Variants in FGD4 observed in about 807,000 individuals in gnomAD.
FGD4 encodes the protein FYVE, RhoGEF and PH domain containing 4, also known as FYVE, RhoGEF and PH domain-containing protein 4.
In FGD4, 42 loss-of-function variants were observed where a neutral mutation model predicts 102.0. The ratio of observed to expected loss-of-function variants is 0.41; its 90% CI spans 0.32 to 0.53. The LOEUF (loss-of-function observed/expected upper bound fraction) is 0.53. Ranked by LOEUF, FGD4 falls within the 20% of genes least tolerant of loss-of-function variation. FGD4 has a pLI of 0.21. For synonymous variants in FGD4, 380 were observed against 375.7 expected (o/e 1.01, Z -0.13); for missense variants, 902 against 1,078.2 (o/e 0.84, Z 2.29).
At chr12:32,567,049 CTG>C (rs1945246653) in intron 2 of FGD4, among the ~76,000 whole-genome samples, 1 of 152,230 alleles carries the variant, frequency 6.6e-6, no homozygotes, top group Non-Finnish European at 1.5e-5. Flanking sequence ...TCACCAGACA[CTG>C]TGGCTGATAG....
chr12:32,494,892 C>T (rs1209673395), intron 1 of FGD4, among the ~76,000 whole-genome samples: 2 of 152,144 alleles, frequency 1.3e-5, no homozygotes, highest in African/African-American at 4.8e-5. Context: ...GACTAGACCT[C>T]CCACCCTTTT....
At chr12:32,531,659 T>C (rs1194846251) in intron 1 of FGD4, among the ~76,000 whole-genome samples, 1 of 152,244 alleles carries the variant, frequency 6.6e-6, no homozygotes, top group Non-Finnish European at 1.5e-5. Context: ...CCACAGTTTG[T>C]TTCCCATTCA....
chr12:32,435,045 G>A (rs1012590497), intron 1 of FGD4, among the ~76,000 whole-genome samples: 7 of 151,990 alleles, frequency 4.6e-5, no homozygotes, highest in African/African-American at 1.4e-4. Context: ...CCGGGTTCAA[G>A]TGATTCTCCT....
chr12:32,579,340 G>T (rs897939450), intron 3 of FGD4, among the ~76,000 whole-genome samples: 1 of 152,150 alleles, frequency 6.6e-6, no homozygotes, highest in Admixed American at 6.5e-5. Context: ...TACCGTGCCC[G>T]GCCGGAACAT....
chr12:32,611,317 A>G, intron 10 of FGD4, 34 bp downstream of exon 10: 1 of 1,612,606 alleles, frequency 6.2e-7, no homozygotes, highest in Non-Finnish European at 8.5e-7. Context: ...TCATATAAGA[A>G]TTATATATAA....
rs147320427 is a variant in FGD4 at position 32,413,376 on chromosome 12, C to T, written c.166+13417C>T. On this transcript the variant is annotated intron_variant, in intron 1 of 16. Transcript: ENST00000534526. ...AAAGTTGGCTAACATGTAACATTTA[C>T]GTGCTGTGTAAATTATGCCGTCATA... 7.2e-3 allele frequency among the ~76,000 whole-genome samples: 1,092 copies of T among 152,262 alleles called. 7 individuals carry two copies. Among genetic ancestry groups the T allele is most frequent in the African/African-American group, 0.025 (1,040 of 41,534 alleles).
At chr12:32,629,461 G>A (rs1172374329) in intron 14 of FGD4, among the ~76,000 whole-genome samples, 2 of 152,294 alleles carry the variant, frequency 1.3e-5, no homozygotes, top group East Asian at 1.9e-4. Flanking sequence ...TACCCTGTGA[G>A]GAAGGTTCTA....
chr12:32,526,990 T>A (rs1463200704), intron 1 of FGD4, among the ~76,000 whole-genome samples: 1 of 152,186 alleles, frequency 6.6e-6, no homozygotes, highest in African/African-American at 2.4e-5. Flanking sequence ...GTAAAGATTT[T>A]AAAAATTAAT....
chr12:32,576,313 C>T lies in FGD4; in HGVS notation c.367C>T (p.His123Tyr). 6.2e-7 allele frequency: 1 copy of T among 1,613,360 alleles called. No homozygotes were observed. Among genetic ancestry groups the T allele is most frequent in the Non-Finnish European group, 8.5e-7 (1 of 1,179,588 alleles). Residue 123 changes from histidine (H) to tyrosine (Y), a missense_variant, in exon 3 of 17, where the codon CAC becomes TAC. By Grantham distance (83) the His-to-Tyr change is moderately conservative. Around this residue, in one of 2 missense-constraint regions of FGD4, gnomAD observed 443 missense variants for 459.2 expected, o/e 0.96. Transcript: ENST00000534526. ...HLQNSPSSNI[H>Y]QTPRHKALPS... ...GCAGAATTCACCTTCGTCCAATATA[C>T]ACCAAACCCCCAGGCATAAAGCTTT...
At chr12:32,605,707 G>A (rs1948733081) in intron 7 of FGD4, among the ~76,000 whole-genome samples, 2 of 152,190 alleles carry the variant, frequency 1.3e-5, no homozygotes, top group African/African-American at 4.8e-5. Context: ...ATTCTGATAT[G>A]TATTGGATTT....
chr12:32,485,424 C>A (rs996386140), intron 1 of FGD4, among the ~76,000 whole-genome samples: 1 of 141,964 alleles, frequency 7.0e-6, no homozygotes, highest in African/African-American at 2.5e-5. Flanking sequence ...ATCCTCAGAT[C>A]TTTTAAGACC....
intron 8 of FGD4, among the ~76,000 whole-genome samples, chr12:32,609,580 T>C (rs1208500866): frequency 6.6e-6 from 1 of 152,164 alleles, no homozygotes; most frequent in African/African-American, 2.4e-5. Context: ...GGTATCCCCT[T>C]AGATGCCCAT....
At chr12:32,492,671 T>C (rs1321534246) in intron 1 of FGD4, among the ~76,000 whole-genome samples, 2 of 152,240 alleles carry the variant, frequency 1.3e-5, no homozygotes, top group Non-Finnish European at 2.9e-5. Context: ...GATATATTCA[T>C]GTGTAGAGGT....
At chr12:32,534,215 C>A in intron 1 of FGD4, 1 of 954,072 alleles carries the variant, frequency 1.0e-6, no homozygotes, top group Non-Finnish European at 1.3e-6. Context: ...TGTGCTCATA[C>A]ACTCCCTCTC....
In FGD4 at chr12:32,421,723, G is replaced by A. The variant is rs144111188; in HGVS notation, c.166+21764G>A. On this transcript the variant is annotated intron_variant, in intron 1 of 16. Transcript: ENST00000534526. ...TGTTGCCTTACCAGTCACATATGTG[G>A]TGCTGTCTCTAGTGGGCTTTGCTTT... Among the ~76,000 whole-genome samples the A allele has an allele frequency of 2.7e-3, 415 of 152,152 alleles. 2 individuals carry two copies. Among genetic ancestry groups the A allele is most frequent in the African/African-American group, 9.5e-3 (396 of 41,500 alleles).
At chr12:32,582,625 C>T in intron 4 of FGD4, 158 bp downstream of exon 4, 3 of 883,014 alleles carry the variant, frequency 3.4e-6, no homozygotes, top group South Asian at 3.1e-5. Context: ...AGCATTTCCC[C>T]TATGCTCTAA....
intron 4 of FGD4, among the ~76,000 whole-genome samples, chr12:32,595,393 C>A (rs1592340146): frequency 1.3e-5 from 2 of 152,314 alleles, no homozygotes; most frequent in Non-Finnish European, 1.5e-5. Flanking sequence ...TTATTGGCTT[C>A]ATTCCTGTGG....
chr12:32,440,145 C>T (rs563604522), intron 1 of FGD4, among the ~76,000 whole-genome samples: 1 of 152,226 alleles, frequency 6.6e-6, no homozygotes, highest in South Asian at 2.1e-4. Context: ...AGGATTGGTC[C>T]CTGGAGCTTT....
chr12:32,583,464 G>A (rs1157492555), intron 4 of FGD4, among the ~76,000 whole-genome samples: 1 of 152,106 alleles, frequency 6.6e-6, no homozygotes, highest in Non-Finnish European at 1.5e-5. Flanking sequence ...CCCTCATGCT[G>A]TGACTCCCAG....
Sources: gnomAD v4.1 joint callset for allele counts (sites outside exome capture counted in the v4.1 genomes callset) on GRCh38, gnomAD v4.1.1 for gene constraint, gnomAD v4.1.1 regional missense constraint, MANE v1.5 for transcripts, NCBI Gene and HGNC (gene_info 2026-07-23, HGNC 2026-07-21) for gene names.